MME: variants seen among roughly 807,000 people sequenced by gnomAD.
MME encodes membrane metalloendopeptidase.
In MME, 98 loss-of-function variants were observed where a neutral mutation model predicts 113.2. The ratio of observed to expected loss-of-function variants is 0.87; its 90% CI spans 0.74 to 1.02. The LOEUF is 1.02. Ranked by LOEUF, MME falls within the 50% of genes least tolerant of loss-of-function variation. The pLI, the probability that MME is intolerant of heterozygous loss-of-function variation, is 0.00. For synonymous variants in MME, 292 were observed against 300.6 expected, an observed-to-expected ratio of 0.97 and a Z score of 0.30; for missense variants, 836 against 896.0, an observed-to-expected ratio of 0.93 and a Z score of 0.86.
At chr3:155,096,642 T>A (rs1035235486) in intron 3 of MME, among the ~76,000 whole-genome samples, 2 of 152,234 alleles carry the variant, frequency 1.3e-5, no homozygotes, top group Non-Finnish European at 1.5e-5. Context: ...GAAATTGGGC[T>A]ACTGCACTTA....
chr3:155,164,857 T>G (rs1722973171), intron 17 of MME, among the ~76,000 whole-genome samples: 1 of 152,238 alleles, frequency 6.6e-6, no homozygotes, highest in Non-Finnish European at 1.5e-5. Context: ...GTCATTTGAA[T>G]GTTATGGCAA....
At chr3:155,147,950 T>C (rs147718687) in intron 15 of MME, among the ~76,000 whole-genome samples, 174 of 152,306 alleles carry the variant, frequency 1.1e-3, no homozygotes, top group African/African-American at 3.9e-3. Flanking sequence ...TTAAATGAGC[T>C]GGTTATAGCT....
intron 17 of MME, among the ~76,000 whole-genome samples, chr3:155,162,052 A>G (rs1269602524): frequency 6.6e-6 from 1 of 152,192 alleles, no homozygotes; most frequent in Non-Finnish European, 1.5e-5. Flanking sequence ...TGGAATCCCA[A>G]GTCAAAGCAA....
At chr3:155,108,450 G>C (rs1050644564) in intron 3 of MME, among the ~76,000 whole-genome samples, 1 of 152,088 alleles carries the variant, frequency 6.6e-6, no homozygotes, top group Non-Finnish European at 1.5e-5. Context: ...ACAAAAATTA[G>C]CCAAGCATGG....
At chr3:155,149,293 C>G (rs1200307242) in intron 16 of MME, among the ~76,000 whole-genome samples, 1 of 152,124 alleles carries the variant, frequency 6.6e-6, no homozygotes, top group Non-Finnish European at 1.5e-5. Context: ...ATTCCTAGAA[C>G]CACTTATGTT....
chr3:155,177,733 TC>T (rs111373122), intron 22 of MME, among the ~76,000 whole-genome samples: 8 of 152,302 alleles, frequency 5.3e-5, no homozygotes, highest in African/African-American at 1.7e-4. Context: ...TTTGTTTTTT[TC>T]AATCAAATTA....
intron 17 of MME, among the ~76,000 whole-genome samples, chr3:155,161,207 T>G (rs995980608): frequency 6.6e-6 from 1 of 151,144 alleles, no homozygotes; most frequent in Non-Finnish European, 1.5e-5. Flanking sequence ...CATTGGCTCA[T>G]TTTTTTTCAG....
In MME at chr3:155,148,673, T is replaced by A; in HGVS notation, c.1601+20T>A. The A allele has an allele frequency of 6.6e-7, 1 of 1,525,580 alleles. No individual in the cohort carries two copies. Among genetic ancestry groups the A allele is most frequent in the Non-Finnish European group, 9.1e-7 (1 of 1,099,852 alleles). 94.5% of individuals were successfully genotyped at this position (1,525,580 alleles called of 1,614,324 possible). On this transcript the variant is annotated intron_variant, in intron 16 of 22. Transcript: ENST00000360490. ...AGATGAGTGCGTATATTCTCATTTC[T>A]AATGTGATCATCTAGAAGCAGGTCT...
rs563064876 is a variant in MME at position 155,056,085 on chromosome 3, ATAG to A, written c.-10-28072_-10-28070del. 3.1e-4 allele frequency among the ~76,000 whole-genome samples: 47 copies of A among 152,094 alleles called. No homozygotes were observed. In the East Asian group the frequency reaches 3.9e-3, roughly 12 times the overall value. ...TTTTTTAACTACAAATTGTTGGTTC[ATAG>A]AAAGGGAAATTGAATTCTACCTGCA... On this transcript the variant is annotated intron_variant, in intron 1 of 22. Coordinates refer to the MME transcript ENST00000492661.
At chr3:155,143,636 AGC>A in intron 13 of MME, 65 bp downstream of exon 13, 1 of 1,557,528 alleles carries the variant, frequency 6.4e-7, no homozygotes, top group Non-Finnish European at 8.8e-7. Flanking sequence ...CACACTGATG[AGC>A]AATTACAGTT....
At chr3:155,160,923 A>C (rs1383785006) in intron 17 of MME, among the ~76,000 whole-genome samples, 2 of 152,100 alleles carry the variant, frequency 1.3e-5, no homozygotes, top group Non-Finnish European at 2.9e-5. Flanking sequence ...TCATTCAGGA[A>C]GGCTCCAAGG....
At chr3:155,128,871 T>C (rs1322553942) in intron 8 of MME, among the ~76,000 whole-genome samples, 1 of 152,124 alleles carries the variant, frequency 6.6e-6, no homozygotes, top group Non-Finnish European at 1.5e-5. Context: ...TTGGAAGCCC[T>C]CCTTGTTTCC....
intron 8 of MME, among the ~76,000 whole-genome samples, chr3:155,133,817 A>T (rs560979083): frequency 5.8e-4 from 85 of 147,170 alleles, no homozygotes; most frequent in African/African-American, 2.0e-3. Flanking sequence ...TCAATTTTCC[A>T]ATATCAATCT....
At chr3:155,075,710 C>A (rs907857036), upstream of MME, among the ~76,000 whole-genome samples, 2 of 152,004 alleles carry the variant, frequency 1.3e-5, no homozygotes, top group African/African-American at 4.8e-5. Flanking sequence ...ATTTATTTAG[C>A]CAGGGTCTCA....
intron 3 of MME, among the ~76,000 whole-genome samples, chr3:155,108,421 C>A (rs1422413168): frequency 6.6e-6 from 1 of 151,900 alleles, no homozygotes; most frequent in Non-Finnish European, 1.5e-5. Context: ...CATGGGGAAA[C>A]CCCGTCTCTA....
At chr3:155,175,979 C>G (rs976807943) in intron 22 of MME, among the ~76,000 whole-genome samples, 1 of 152,144 alleles carries the variant, frequency 6.6e-6, no homozygotes. Context: ...AAATCTATTA[C>G]AGCATTTATT....
At chr3:155,056,339 G>A (rs1025697776) in intron 1 of MME, among the ~76,000 whole-genome samples, 8 of 109,728 alleles carry the variant, frequency 7.3e-5, no homozygotes, top group Admixed American at 1.1e-4. Flanking sequence ...TCCCCACACC[G>A]CACAACAGTC....
At chr3:155,104,873 A>G (rs56189742) in intron 3 of MME, among the ~76,000 whole-genome samples, 25,575 of 152,292 alleles carry the variant, frequency 0.17, 2,845 homozygotes, top group Non-Finnish European at 0.25. Context: ...TATTTAAATT[A>G]CAGTATAATC....
chr3:155,107,912 G>T (rs1241572183), intron 3 of MME, among the ~76,000 whole-genome samples: 4 of 152,206 alleles, frequency 2.6e-5, no homozygotes, highest in Non-Finnish European at 5.9e-5. Flanking sequence ...GCTATGTAGT[G>T]TTTTGAAGCA....
Sources: gnomAD v4.1 joint callset for allele counts (sites outside exome capture counted in the v4.1 genomes callset) on GRCh38, gnomAD v4.1.1 for gene constraint, MANE v1.5 for transcripts, NCBI Gene and HGNC (gene_info 2026-07-23, HGNC 2026-07-21) for gene names.